PKD1L1: variants seen among roughly 807,000 people sequenced by gnomAD.
The protein encoded by PKD1L1 is polycystin-1-like protein 1.
Under a neutral mutation model 323.4 loss-of-function variants are expected in PKD1L1, and 236 were observed. That is an observed-to-expected ratio of 0.73 (90% confidence interval 0.66 to 0.81). The LOEUF (loss-of-function observed/expected upper bound fraction) is 0.81, where lower values mean the gene tolerates loss of function less well. PKD1L1 is among the 40% of genes least tolerant of loss of function. The pLI, the probability that PKD1L1 is intolerant of heterozygous loss-of-function variation, is 0.00. For missense variants in PKD1L1, 3,320 were observed against 3,508.0 expected (o/e 0.95, Z 1.35); for synonymous variants, 1,344 against 1,335.0 (o/e 1.01, Z -0.15).
rs1289425839 is a variant in PKD1L1, at chr7:47,840,439, G to T, written c.5552+22C>A. ...GATTGGCCTCTCTTTCCCAAATCTA[G>T]CAGTGAAATATTTTGGAATACCTCA... On this transcript the variant is annotated intron_variant, in intron 35 of 56. Coordinates refer to ENST00000289672, the MANE Select transcript of PKD1L1 (RefSeq NM_138295.5). The surrounding 1 kb of genome is among the most constrained non-coding windows in gnomAD (Gnocchi z 4.1). 1.3e-6 allele frequency: 2 copies of T among 1,558,254 alleles called. No homozygotes were observed. The highest frequency in any genetic ancestry group is 1.7e-5 in the Admixed American group (1 of 59,878).
chr7:47,823,056 T>A (rs1387330042), intron 45 of PKD1L1, among the ~76,000 whole-genome samples: 1 of 152,216 alleles, frequency 6.6e-6, no homozygotes, highest in Non-Finnish European at 1.5e-5. Flanking sequence ...CGTTTTTAAC[T>A]TCTTTCTCTT....
Position 47,791,794 on chromosome 7 carries a change from C to T in PKD1L1, c.8526+833G>A, listed in dbSNP as rs899200149. 3.9e-5 allele frequency among the ~76,000 whole-genome samples: 6 copies of T among 152,142 alleles called. No individual in the cohort carries two copies. In the East Asian group the frequency reaches 5.8e-4, roughly 15 times the overall value. The stretch of plus-strand genomic sequence containing the variant: ...TGCCTTCAGAGAGCTCCTTCATTGC[C>T]ACTCAGTCATGTGAACATGACAGCT... On this transcript the variant is annotated intron_variant, in intron 56 of 56. Transcript: ENST00000289672.
At chr7:47,914,755 C>G (rs577432554) in intron 8 of PKD1L1, among the ~76,000 whole-genome samples, 7 of 151,986 alleles carry the variant, frequency 4.6e-5, no homozygotes, top group Non-Finnish European at 7.4e-5. Flanking sequence ...TTTCTCCCCC[C>G]CAACATCCCC....
chr7:47,877,735 G>A (rs1786441984), intron 21 of PKD1L1, 104 bp from the exon 22 acceptor site: 1 of 1,359,834 alleles, frequency 7.4e-7, no homozygotes, highest in African/African-American at 1.5e-5. Flanking sequence ...TCTCAAAGTA[G>A]GGTCCCCAGA....
At chr7:47,841,746 G>A (rs1308566834) in intron 34 of PKD1L1, among the ~76,000 whole-genome samples, 1 of 152,168 alleles carries the variant, frequency 6.6e-6, no homozygotes, top group East Asian at 1.9e-4. Flanking sequence ...GGTCTTGTAT[G>A]TGGGGTTTGA....
At chr7:47,841,216 TAA>T (rs1022676190) in intron 34 of PKD1L1, among the ~76,000 whole-genome samples, 2 of 152,228 alleles carry the variant, frequency 1.3e-5, no homozygotes, top group African/African-American at 4.8e-5. Context: ...GTGTATGATG[TAA>T]AGATTTAATA....
chr7:47,854,815 TCACAAAA>T, intron 30 of PKD1L1, 60 bp downstream of exon 30: 1 of 1,529,770 alleles, frequency 6.5e-7, no homozygotes, highest in Admixed American at 2.0e-5. Flanking sequence ...TGATTTTTTG[TCACAAAA>T]CATTCTTAAG....
chr7:47,873,825 A>G, intron 24 of PKD1L1, 74 bp downstream of exon 24: 1 of 1,157,134 alleles, frequency 8.6e-7, no homozygotes, highest in Non-Finnish European at 1.2e-6. Flanking sequence ...GCTTGTTAAC[A>G]ACTTGGGGGA....
At chr7:47,957,862 A>AATATATATATATATATAT in the PKD1L1 span, among the ~76,000 whole-genome samples, 81 of 134,692 alleles carry the variant, frequency 6.0e-4, 1 homozygote, top group Non-Finnish European at 1.0e-3. Context: ...ATTAAAAAAA[A>AATATATATATATATATAT]ATATATATAT....
chr7:47,875,243 G>A (rs944040213), intron 23 of PKD1L1, among the ~76,000 whole-genome samples: 1 of 152,216 alleles, frequency 6.6e-6, no homozygotes, highest in East Asian at 1.9e-4. Flanking sequence ...GTATCTAGAA[G>A]AAGGTACAAG....
chr7:47,780,106 C>G (rs552961704), intron 56 of PKD1L1, among the ~76,000 whole-genome samples: 12 of 152,142 alleles, frequency 7.9e-5, no homozygotes, highest in African/African-American at 2.4e-4. Context: ...TCCTATGTAC[C>G]TTTTACCAGG....
upstream of PKD1L1, among the ~76,000 whole-genome samples, chr7:47,949,269 T>A (rs552984674): frequency 6.8e-6 from 1 of 147,386 alleles, no homozygotes; most frequent in Non-Finnish European, 1.5e-5. Flanking sequence ...CTCGGGAGGC[T>A]GAGGCAGGAG....
At chr7:47,837,523 C>A (rs192589761) in intron 36 of PKD1L1, among the ~76,000 whole-genome samples, 4 of 152,292 alleles carry the variant, frequency 2.6e-5, no homozygotes, top group Admixed American at 1.3e-4. Flanking sequence ...TCACTCCCAG[C>A]CTCAGGAGAC....
intron 18 of PKD1L1, 53 bp from the exon 19 acceptor site, chr7:47,884,710 G>T: frequency 1.4e-6 from 2 of 1,449,466 alleles, no homozygotes; most frequent in Non-Finnish European, 1.9e-6. Context: ...AGAATCCCCT[G>T]AAATTAACAG....
At position 47,847,065 on chromosome 7, in the gene PKD1L1, C is replaced by A. The variant is rs764409328; in HGVS notation, c.4967G>T (p.Ser1656Ile). 1 of 1,571,300 alleles carries A rather than the reference C, an allele frequency of 6.4e-7. No individual in the cohort carries two copies. Among genetic ancestry groups the A allele is most frequent in the Non-Finnish European group, 8.6e-7 (1 of 1,163,336 alleles). The part of the protein sequence containing the change: ...YIPAASQKDA[S>I]VGYLSLLDAD... ...ATCCAATAAGGATAAATAGCCTACA[C>A]TGGCATCTAAAAAGAGAAAACATAA... is the stretch of plus-strand genomic sequence containing the variant. Residue 1656 changes from serine to isoleucine, a missense_variant, in exon 32 of 57, where the codon AGT (serine) becomes ATT (isoleucine). Coordinates refer to ENST00000289672, the MANE Select transcript of PKD1L1 (RefSeq NM_138295.5).
intron 12 of PKD1L1, 65 bp downstream of exon 12, chr7:47,904,313 A>C: frequency 6.2e-7 from 1 of 1,600,608 alleles, no homozygotes; most frequent in Non-Finnish European, 8.5e-7. Flanking sequence ...CCAAGGGCTG[A>C]TGCCTTAAGA....
intron 7 of PKD1L1, among the ~76,000 whole-genome samples, chr7:47,921,686 T>C (rs1787544502): frequency 6.6e-6 from 1 of 152,188 alleles, no homozygotes; most frequent in Admixed American, 6.5e-5. Flanking sequence ...TATATATATA[T>C]ATATAATGAG....
chr7:47,870,883 G>A (rs1786266651), intron 24 of PKD1L1, among the ~76,000 whole-genome samples: 1 of 149,922 alleles, frequency 6.7e-6, no homozygotes, highest in African/African-American at 2.5e-5. Context: ...GGAGGTGGAA[G>A]GATGGCTTGA....
intron 4 of PKD1L1, among the ~76,000 whole-genome samples, chr7:47,933,101 G>A (rs913752272): frequency 2.0e-5 from 3 of 152,292 alleles, no homozygotes; most frequent in South Asian, 2.1e-4. Context: ...TGAGGAATGC[G>A]AGTCCCTTTA....
Sources: gnomAD v4.1 joint callset for allele counts (sites outside exome capture counted in the v4.1 genomes callset) on GRCh38, gnomAD v4.1.1 for gene constraint, Gnocchi (gnomAD v3.1) non-coding constraint, MANE v1.5 for transcripts, NCBI Gene and HGNC (gene_info 2026-07-23, HGNC 2026-07-21) for gene names.